Variants in ZC3H18 observed in about 807,000 individuals in gnomAD.
ZC3H18 encodes zinc finger CCCH domain-containing protein 18.
A neutral mutation model predicts 106.1 loss-of-function variants in ZC3H18; 8 were observed. The ratio of observed to expected loss-of-function variants is 0.08; its 90% CI spans 0.04 to 0.14. The LOEUF is 0.14. ZC3H18 is among the 10% of genes least tolerant of loss of function. The pLI is 1.00. For synonymous variants in ZC3H18, 635 were observed against 522.1 expected (o/e 1.22, Z -2.95); for missense variants, 1,318 against 1,278.4 (o/e 1.03, Z -0.47).
chr16:88,619,689 A>G (rs1282249051), intron 8 of ZC3H18, among the ~76,000 whole-genome samples: 2 of 152,136 alleles, frequency 1.3e-5, no homozygotes, highest in Non-Finnish European at 2.9e-5. Context: ...GCAGGGGGCA[A>G]GCAGACGCTG....
At chr16:88,621,746 C>G (rs1184370950) in intron 8 of ZC3H18, among the ~76,000 whole-genome samples, 1 of 152,228 alleles carries the variant, frequency 6.6e-6, no homozygotes, top group Admixed American at 6.5e-5. Context: ...CCGCCTCGTC[C>G]TCGCAAAGTG....
chr16:88,630,554 C>T lies in ZC3H18; in HGVS notation c.2636C>T (p.Ser879Phe). The change falls in exon 17 of 18, where the codon TCC becomes TTC. Residue 879 changes from serine to phenylalanine, a missense_variant. Ser to Phe is a radical substitution (Grantham distance 155). Coordinates refer to ENST00000301011, the MANE Select transcript of ZC3H18 (RefSeq NM_144604.4). ...PKPERQRGQN[S>F]KAPAAPADRK... ...CCAGAGCGGCAGAGAGGCCAGAACT[C>T]CAAAGCCCCTGCAGCCCCGGCTGAC... 6.2e-7 allele frequency: 1 copy of T among 1,611,222 alleles called. No homozygotes were observed. The highest frequency in any genetic ancestry group is 2.2e-5 in the East Asian group (1 of 44,818).
chr16:88,578,224 G>T (rs557670478), intron 2 of ZC3H18, among the ~76,000 whole-genome samples: 4 of 152,318 alleles, frequency 2.6e-5, no homozygotes, highest in African/African-American at 7.2e-5. Context: ...TCTGGAGAGG[G>T]CACCAGCTGG....
chr16:88,583,711 G>C (rs1179038722), intron 2 of ZC3H18, among the ~76,000 whole-genome samples: 1 of 152,198 alleles, frequency 6.6e-6, no homozygotes, highest in East Asian at 1.9e-4. Flanking sequence ...CTTCAGATGG[G>C]TGCACTGAGG....
chr16:88,623,132 T>C, intron 9 of ZC3H18, 87 bp from the exon 10 acceptor site: 1 of 1,530,254 alleles, frequency 6.5e-7, no homozygotes, highest in Non-Finnish European at 8.8e-7. Context: ...CGTCTGTGGG[T>C]GTGTAGCTGT....
chr16:88,618,829 C>T (rs1905782747), intron 8 of ZC3H18, among the ~76,000 whole-genome samples: 1 of 152,204 alleles, frequency 6.6e-6, no homozygotes, highest in African/African-American at 2.4e-5. Context: ...CCAGATCTGT[C>T]CTGGCCCAGC....
At chr16:88,615,629 T>A (rs988667729) in intron 8 of ZC3H18, among the ~76,000 whole-genome samples, 1 of 152,224 alleles carries the variant, frequency 6.6e-6, no homozygotes, top group Non-Finnish European at 1.5e-5. Context: ...ATAGGGGTTT[T>A]CACGCCACCC....
chr16:88,619,135 G>A (rs909134284), intron 8 of ZC3H18, among the ~76,000 whole-genome samples: 3 of 152,116 alleles, frequency 2.0e-5, no homozygotes, highest in Admixed American at 6.5e-5. Context: ...CTTGGTGCCC[G>A]GAGACTCGCT....
At chr16:88,621,541 A>C (rs948272248) in intron 8 of ZC3H18, among the ~76,000 whole-genome samples, 5 of 152,122 alleles carry the variant, frequency 3.3e-5, no homozygotes, top group Non-Finnish European at 4.4e-5. Flanking sequence ...TATTCTTAGT[A>C]GACATGGAGT....
intron 3 of ZC3H18, among the ~76,000 whole-genome samples, chr16:88,591,627 GT>G (rs1372376809): frequency 6.6e-6 from 1 of 152,196 alleles, no homozygotes; most frequent in Non-Finnish European, 1.5e-5. Flanking sequence ...GCTGCATTGG[GT>G]GTTTCCCTCA....
chr16:88,623,754 A>G (rs1597358332), intron 10 of ZC3H18: 2 of 962,656 alleles, frequency 2.1e-6, no homozygotes, highest in South Asian at 2.2e-5. Flanking sequence ...CCGCCAGTGG[A>G]TGCTGACACC....
rs755504646 is a variant in ZC3H18 at position 88,624,059 on chromosome 16, C to T, written c.1895C>T (p.Ala632Val). The T allele has an allele frequency of 9.3e-6, 15 of 1,613,798 alleles. No homozygotes were observed. The South Asian group carries it at 1.3e-4, about 14-fold the overall frequency. The change falls in exon 11 of 18, where the codon GCA (alanine) becomes GTA (valine). Residue 632 changes from alanine to valine, a missense_variant. By Grantham distance (64) the Ala-to-Val change is moderately conservative. This residue lies in a region of ZC3H18 where 848 missense variants were observed against 821.7 expected (regional missense o/e 1.03). Coordinates refer to ENST00000301011, the MANE Select transcript of ZC3H18 (RefSeq NM_144604.4). Reference sequence around the variant, plus strand: ...GAGCCGGCCCCGCCGCCCGGGAAAGCAGGGTGAGTGCCCAGCCTGTGGGCA... The same window carrying T: ...GAGCCGGCCCCGCCGCCCGGGAAAGTAGGGTGAGTGCCCAGCCTGTGGGCA... ...KGEPAPPPGK[A>V]GEKSVKKPAP... is the part of the protein sequence containing the mutation.
intron 6 of ZC3H18, among the ~76,000 whole-genome samples, chr16:88,601,298 T>G (rs894209999): frequency 6.6e-6 from 1 of 152,252 alleles, no homozygotes; most frequent in Non-Finnish European, 1.5e-5. Flanking sequence ...GGGTGTCTCC[T>G]GAAGCCCTGG....
intron 8 of ZC3H18, among the ~76,000 whole-genome samples, chr16:88,612,801 G>T (rs571266044): frequency 1.3e-5 from 2 of 152,082 alleles, no homozygotes; most frequent in Admixed American, 1.3e-4. Flanking sequence ...CAGGAATTGA[G>T]ATCAGCCTGG....
intron 3 of ZC3H18, among the ~76,000 whole-genome samples, chr16:88,596,998 G>A (rs1212081796): frequency 6.6e-6 from 1 of 152,158 alleles, no homozygotes; most frequent in Non-Finnish European, 1.5e-5. Context: ...TCGGCTCACT[G>A]CAAGCTCCAC....
At position 88,611,490 on chromosome 16, in the gene ZC3H18, GAGA is replaced by G. The variant is rs1905273462; in HGVS notation, c.1432_1434del (p.Lys478del). 1 of 1,550,424 alleles carries G rather than the reference GAGA, an allele frequency of 6.4e-7. No homozygotes were observed. Among genetic ancestry groups the G allele is most frequent in the African/African-American group, 1.4e-5 (1 of 73,012 alleles). On this transcript the variant is annotated inframe_deletion, in exon 8 of 18. Coordinates refer to ENST00000301011, the MANE Select transcript of ZC3H18 (RefSeq NM_144604.4). The stretch of plus-strand genomic sequence containing the variant: ...TGACCGCGACCGGGAGAAGGAGCGG[GAGA>G]AGGAGAAGGGGAAGCCCAAGCCCCG...
At chr16:88,607,704 C>G (rs1233219706) in intron 6 of ZC3H18, among the ~76,000 whole-genome samples, 1 of 151,900 alleles carries the variant, frequency 6.6e-6, no homozygotes, top group Non-Finnish European at 1.5e-5. Context: ...TCTCAGGCGT[C>G]TCCCCATTTA....
chr16:88,616,406 G>A (rs1319139634), intron 8 of ZC3H18, among the ~76,000 whole-genome samples: 2 of 152,218 alleles, frequency 1.3e-5, no homozygotes, highest in East Asian at 3.9e-4. Flanking sequence ...CCTTCTCGGA[G>A]CTGCCAGCAG....
intron 10 of ZC3H18, chr16:88,623,677 A>C: frequency 1.8e-6 from 1 of 562,686 alleles, no homozygotes; most frequent in South Asian, 2.5e-5. Flanking sequence ...CTGCTGCCCC[A>C]CTGCCAAGGA....
Sources: gnomAD v4.1 joint callset for allele counts (sites outside exome capture counted in the v4.1 genomes callset) on GRCh38, gnomAD v4.1.1 for gene constraint, gnomAD v4.1.1 regional missense constraint, MANE v1.5 for transcripts, NCBI Gene and HGNC (gene_info 2026-07-23, HGNC 2026-07-21) for gene names.